Variants in CACNA2D3 observed in about 807,000 individuals in gnomAD.
CACNA2D3 encodes the protein calcium voltage-gated channel auxiliary subunit alpha2delta 3.
Under a neutral mutation model 160.6 loss-of-function variants are expected in CACNA2D3, and 60 were observed. The ratio of observed to expected loss-of-function variants is 0.37; its 90% CI spans 0.30 to 0.46. The LOEUF (loss-of-function observed/expected upper bound fraction) is 0.46, where lower values mean the gene tolerates loss of function less well. Among genes scored for constraint, CACNA2D3 ranks in the 20% least tolerant of loss-of-function variants. The probability of loss-of-function intolerance (pLI) is 1.00; values close to 1 mark genes in which losing one functional copy is unlikely to be tolerated. For synonymous variants in CACNA2D3, 558 were observed against 492.9 expected, an observed-to-expected ratio of 1.13 and a Z score of -1.75; for missense variants, 1,205 against 1,365.0, an observed-to-expected ratio of 0.88 and a Z score of 1.85.
chr3:54,208,620 G>A (rs1303198653), intron 2 of CACNA2D3, among the ~76,000 whole-genome samples: 1 of 152,146 alleles, frequency 6.6e-6, no homozygotes, highest in African/African-American at 2.4e-5. Context: ...TCACTCTCAG[G>A]TGTCTCTCTT....
intron 33 of CACNA2D3, 86 bp downstream of exon 33, chr3:55,007,928 G>A: frequency 1.2e-6 from 1 of 855,600 alleles, no homozygotes; most frequent in Non-Finnish European, 1.7e-6. Flanking sequence ...TGTGAGTCAT[G>A]CCTTCAATAA....
intron 27 of CACNA2D3, among the ~76,000 whole-genome samples, chr3:54,907,702 A>G (rs1700475069): frequency 1.3e-5 from 2 of 152,146 alleles, no homozygotes; most frequent in Non-Finnish European, 2.9e-5. Flanking sequence ...TTTGAAACTC[A>G]CACTTTCACA....
At chr3:54,366,791 G>A (rs73081678) in intron 3 of CACNA2D3, among the ~76,000 whole-genome samples, 8,682 of 152,244 alleles carry the variant, frequency 0.057, 370 homozygotes, top group Non-Finnish European at 0.086. Flanking sequence ...CCTTTGCCCA[G>A]ATGCCTCTTG....
At chr3:54,470,434 C>G (rs182977526) in intron 4 of CACNA2D3, among the ~76,000 whole-genome samples, 1 of 151,864 alleles carries the variant, frequency 6.6e-6, no homozygotes, top group Admixed American at 6.6e-5. Context: ...GAAGGAAGCA[C>G]TAAATATGGA....
At chr3:54,755,423 T>C (rs1701951623) in intron 12 of CACNA2D3, among the ~76,000 whole-genome samples, 1 of 152,212 alleles carries the variant, frequency 6.6e-6, no homozygotes, top group Non-Finnish European at 1.5e-5. Context: ...AATTATCTGC[T>C]TCTATTTGAA....
At chr3:54,272,302 C>G (rs142973984) in intron 2 of CACNA2D3, among the ~76,000 whole-genome samples, 14 of 152,296 alleles carry the variant, frequency 9.2e-5, no homozygotes, top group Non-Finnish European at 2.1e-4. Context: ...TTTGCCAGCT[C>G]TGTGTGCTTC....
chr3:54,562,838 C>T lies in CACNA2D3; in HGVS notation c.583C>T (p.Leu195=), dbSNP rs1702349364. The change falls in exon 6 of 38, where the codon CTA becomes TTA. Residue 195 remains leucine, a synonymous_variant. Coordinates refer to ENST00000474759, the MANE Select transcript of CACNA2D3 (RefSeq NM_018398.3). ...CAATGGGGTTTATTGGTCTGAATCTCTAAACAAAGTTTTTGTAGATAACTT... is the reference window on the plus strand; with the variant it reads ...CAATGGGGTTTATTGGTCTGAATCTTTAAACAAAGTTTTTGTAGATAACTT... ...IVNGVYWSES[L]NKVFVDNFDR... The T allele has an allele frequency of 1.9e-6, 3 of 1,612,970 alleles. No individual in the cohort carries two copies. Among genetic ancestry groups the T allele is most frequent in the Non-Finnish European group, 2.5e-6 (3 of 1,179,094 alleles).
chr3:54,337,637 C>G (rs947415579), intron 3 of CACNA2D3, among the ~76,000 whole-genome samples: 9 of 152,152 alleles, frequency 5.9e-5, no homozygotes, highest in Admixed American at 4.6e-4. Flanking sequence ...CTTTGCCACT[C>G]CTGATACTTG....
intron 9 of CACNA2D3, among the ~76,000 whole-genome samples, chr3:54,603,097 G>C (rs1703094057): frequency 6.6e-6 from 1 of 152,214 alleles, no homozygotes. Context: ...CCGGAGATGA[G>C]GGCAAGCTTC....
At chr3:54,351,031 C>T (rs1232464310) in intron 3 of CACNA2D3, among the ~76,000 whole-genome samples, 3 of 129,526 alleles carry the variant, frequency 2.3e-5, no homozygotes, top group Admixed American at 1.7e-4. Context: ...CTGTGTCGCC[C>T]AGGCTGGAGG....
At chr3:54,204,116 T>C (rs1175512706) in intron 2 of CACNA2D3, among the ~76,000 whole-genome samples, 1 of 152,058 alleles carries the variant, frequency 6.6e-6, no homozygotes, top group Non-Finnish European at 1.5e-5. Flanking sequence ...GCCCTTGGAT[T>C]GGGATTTCTA....
At chr3:54,545,382 C>G (rs528097541) in intron 5 of CACNA2D3, among the ~76,000 whole-genome samples, 5 of 152,202 alleles carry the variant, frequency 3.3e-5, no homozygotes, top group African/African-American at 9.7e-5. Context: ...TTTGTAGCAG[C>G]TGGCTTGTTC....
At chr3:54,794,619 T>G (rs1702830330) in intron 13 of CACNA2D3, among the ~76,000 whole-genome samples, 1 of 151,648 alleles carries the variant, frequency 6.6e-6, no homozygotes, top group Admixed American at 6.6e-5. Flanking sequence ...TTTTTTTTTT[T>G]GGTATGAAAG....
At chr3:54,908,605 T>C (rs767115543) in intron 27 of CACNA2D3, among the ~76,000 whole-genome samples, 1 of 152,064 alleles carries the variant, frequency 6.6e-6, no homozygotes, top group South Asian at 2.1e-4. Flanking sequence ...TAGTCCCAGT[T>C]ATTCAGGAGG....
chr3:54,984,842 C>T (rs1002547076), intron 30 of CACNA2D3, among the ~76,000 whole-genome samples, 172 bp downstream of exon 30: 10 of 152,166 alleles, frequency 6.6e-5, no homozygotes, highest in African/African-American at 2.4e-4. Context: ...GTCTGCTTCT[C>T]AGCAGGCCCC....
At chr3:54,191,705 G>A (rs1700987216) in intron 2 of CACNA2D3, among the ~76,000 whole-genome samples, 2 of 152,086 alleles carry the variant, frequency 1.3e-5, no homozygotes, top group South Asian at 2.1e-4. Context: ...CTGGGTTTGG[G>A]TGTCAGGGCC....
At chr3:54,756,719 C>T (rs1701977567) in intron 12 of CACNA2D3, among the ~76,000 whole-genome samples, 2 of 152,140 alleles carry the variant, frequency 1.3e-5, no homozygotes, top group Non-Finnish European at 2.9e-5. Context: ...GGTCAAGGAC[C>T]TGCTATCAGT....
intron 14 of CACNA2D3, among the ~76,000 whole-genome samples, chr3:54,828,947 A>C (rs1392233396): frequency 6.6e-6 from 1 of 152,236 alleles, no homozygotes; most frequent in Non-Finnish European, 1.5e-5. Flanking sequence ...AAGCAAGAGG[A>C]CATGTTACTT....
intron 18 of CACNA2D3, among the ~76,000 whole-genome samples, chr3:54,874,231 G>A (rs1022023334): frequency 1.2e-4 from 18 of 152,160 alleles, no homozygotes; most frequent in African/African-American, 4.3e-4. Flanking sequence ...ACTATTTATA[G>A]CAGTATGAGC....
Sources: allele counts gnomAD v4.1 joint callset (sites outside exome capture counted in the v4.1 genomes callset), GRCh38; gene constraint gnomAD v4.1.1; transcripts MANE v1.5; gene names NCBI Gene and HGNC (gene_info 2026-07-23, HGNC 2026-07-21).